Variants in CSMD3 observed in about 807,000 individuals in gnomAD.
CSMD3 encodes the protein CUB and sushi domain-containing protein 3.
In CSMD3, 177 loss-of-function variants were observed where a neutral mutation model predicts 435.2. The observed-to-expected ratio is 0.41, with a 90% CI of 0.36 to 0.46. CSMD3 has a LOEUF of 0.46. Ranked by LOEUF, CSMD3 falls within the 20% of genes least tolerant of loss-of-function variation. CSMD3 has a pLI of 0.34. For missense variants in CSMD3, 4,265 were observed against 4,504.6 expected (o/e 0.95, Z 1.52); for synonymous variants, 1,656 against 1,520.5 (o/e 1.09, Z -2.07).
At chr8:113,299,948 C>T (rs372994705) in intron 2 of CSMD3, among the ~76,000 whole-genome samples, 6 of 151,570 alleles carry the variant, frequency 4.0e-5, no homozygotes, top group South Asian at 2.1e-4. Context: ...GCCGACATCA[C>T]GCCACTGCAC....
At chr8:112,945,543 G>A (rs1195242789) in intron 9 of CSMD3, among the ~76,000 whole-genome samples, 1 of 151,114 alleles carries the variant, frequency 6.6e-6, no homozygotes, top group East Asian at 2.0e-4. Flanking sequence ...TACCCTAAAA[G>A]TGTGTAGGTT....
intron 13 of CSMD3, among the ~76,000 whole-genome samples, chr8:112,746,460 G>A (rs1225185831): frequency 6.6e-6 from 1 of 152,002 alleles, no homozygotes; most frequent in Non-Finnish European, 1.5e-5. Flanking sequence ...ACTCATCCCT[G>A]GAGGACCATC....
chr8:113,060,492 T>A (rs17661579), intron 5 of CSMD3, among the ~76,000 whole-genome samples: 7,569 of 152,158 alleles, frequency 0.05, 237 homozygotes, highest in Non-Finnish European at 0.073. Flanking sequence ...GAGCTGTGGG[T>A]CCTTAGAACT....
chr8:113,026,357 TG>T (rs2086876292), intron 5 of CSMD3, among the ~76,000 whole-genome samples: 1 of 152,296 alleles, frequency 6.6e-6, no homozygotes, highest in East Asian at 1.9e-4. Context: ...CACTTCCTTG[TG>T]GTGAAGTATC....
chr8:113,412,709 T>C (rs11985048), intron 1 of CSMD3, among the ~76,000 whole-genome samples: 2,754 of 152,220 alleles, frequency 0.018, 94 homozygotes, highest in African/African-American at 0.061. Flanking sequence ...ACCTATCCTG[T>C]TTTCCTTCGT....
rs2075084875 is a variant in CSMD3 at position 112,650,056 on chromosome 8, T to C, written c.3193+105A>G. ...ATTTGCCAGAAATCAAAAGAACTTT[T>C]AAAAAACCTAAAATATTTATAATTA... On this transcript the variant is annotated intron_variant, in intron 19 of 70. Transcript: ENST00000297405. 1.1e-5 allele frequency: 10 copies of C among 878,008 alleles called. No homozygotes were observed. In the South Asian group the frequency reaches 1.5e-4, roughly 14 times the overall value. The allele number at this position is 878,008 out of a possible 1,614,324, so 54.4% of individuals were successfully genotyped here.
At chr8:112,310,892 A>G in intron 50 of CSMD3, 86 bp downstream of exon 50, 1 of 1,111,422 alleles carries the variant, frequency 9.0e-7, no homozygotes. Flanking sequence ...TTCCATTCTC[A>G]GAAAAGTTAG....
chr8:113,373,215 T>G (rs2094358066), intron 1 of CSMD3, among the ~76,000 whole-genome samples: 1 of 152,076 alleles, frequency 6.6e-6, no homozygotes, highest in Admixed American at 6.5e-5. Context: ...ATTCTGTGCT[T>G]TCATATGTAA....
chr8:112,558,014 T>C (rs1471737779), intron 24 of CSMD3, among the ~76,000 whole-genome samples: 1 of 151,884 alleles, frequency 6.6e-6, no homozygotes, highest in African/African-American at 2.4e-5. Flanking sequence ...AGAATTGAAT[T>C]GAATTACCAG....
chr8:112,374,964 AAACT>A (rs1459724785), intron 38 of CSMD3, among the ~76,000 whole-genome samples: 2 of 152,212 alleles, frequency 1.3e-5, no homozygotes, highest in Admixed American at 6.5e-5. Flanking sequence ...ATGTGAATTC[AAACT>A]AACAGATTAA....
At chr8:113,234,935 G>A (rs1159618000) in intron 3 of CSMD3, among the ~76,000 whole-genome samples, 1 of 151,994 alleles carries the variant, frequency 6.6e-6, no homozygotes, top group Non-Finnish European at 1.5e-5. Context: ...TAAATGGTTC[G>A]ACCATGCCAC....
At chr8:113,269,661 C>A (rs1563631479) in intron 3 of CSMD3, among the ~76,000 whole-genome samples, 2 of 151,736 alleles carry the variant, frequency 1.3e-5, no homozygotes, top group Non-Finnish European at 2.9e-5. Flanking sequence ...TACCACACAT[C>A]TACAACCATC....
At chr8:112,725,221 T>C (rs2076938272) in intron 13 of CSMD3, among the ~76,000 whole-genome samples, 1 of 151,912 alleles carries the variant, frequency 6.6e-6, no homozygotes, top group African/African-American at 2.4e-5. Context: ...ATAGAAAACA[T>C]GACTAAACAG....
intron 13 of CSMD3, among the ~76,000 whole-genome samples, chr8:112,768,306 C>G (rs115479590): frequency 6.6e-6 from 1 of 151,692 alleles, no homozygotes; most frequent in African/African-American, 2.4e-5. Context: ...GGTGAGAGTT[C>G]GTAAAAACTA....
intron 1 of CSMD3, among the ~76,000 whole-genome samples, chr8:113,338,544 A>G (rs2094094366): frequency 6.6e-6 from 1 of 152,028 alleles, no homozygotes; most frequent in Non-Finnish European, 1.5e-5. Flanking sequence ...CTATTTAACA[A>G]TAAAATAAAA....
At chr8:112,494,766 G>T (rs1821167365) in intron 30 of CSMD3, among the ~76,000 whole-genome samples, 1 of 152,064 alleles carries the variant, frequency 6.6e-6, no homozygotes, top group South Asian at 2.1e-4. Flanking sequence ...TCACTAAAAA[G>T]TGGTATCTAA....
intron 9 of CSMD3, among the ~76,000 whole-genome samples, chr8:112,924,567 T>C (rs2082852603): frequency 6.6e-6 from 1 of 151,924 alleles, no homozygotes; most frequent in African/African-American, 2.4e-5. Flanking sequence ...CTTTTGATTA[T>C]AGAAAATTAA....
intron 1 of CSMD3, among the ~76,000 whole-genome samples, chr8:113,404,914 G>A (rs923233866): frequency 6.6e-6 from 1 of 151,416 alleles, no homozygotes; most frequent in Non-Finnish European, 1.5e-5. Flanking sequence ...TTATGTATGT[G>A]TTATGTGCAA....
chr8:112,868,294 A>G (rs2081041266), intron 10 of CSMD3, among the ~76,000 whole-genome samples: 3 of 152,242 alleles, frequency 2.0e-5, no homozygotes, highest in East Asian at 1.9e-4. Context: ...TTTTACTGCT[A>G]AAAGAGTACA....
Sources: gnomAD v4.1 joint callset for allele counts (sites outside exome capture counted in the v4.1 genomes callset) on GRCh38, gnomAD v4.1.1 for gene constraint, MANE v1.5 for transcripts, NCBI Gene and HGNC (gene_info 2026-07-23, HGNC 2026-07-21) for gene names.